THSD7A: variants seen among roughly 807,000 people sequenced by gnomAD.
THSD7A encodes the protein thrombospondin type-1 domain-containing protein 7A.
In THSD7A, 96 loss-of-function variants were observed where a neutral mutation model predicts 231.3. That is an observed-to-expected ratio of 0.41 (90% CI 0.35 to 0.49). The LOEUF (loss-of-function observed/expected upper bound fraction) is 0.49. Ranked by LOEUF, THSD7A falls within the 20% of genes least tolerant of loss-of-function variation. The pLI is 0.05. For synonymous variants in THSD7A, 940 were observed against 743.3 expected, an observed-to-expected ratio of 1.26 and a Z score of -4.30; for missense variants, 2,290 against 2,070.2, an observed-to-expected ratio of 1.11 and a Z score of -2.06.
chr7:11,458,808 G>A lies in THSD7A; in HGVS notation c.2605+1854C>T, dbSNP rs1203696120. On this transcript the variant is annotated intron_variant, in intron 11 of 27. Transcript: ENST00000423059. ...CAAAGGTTGCTGGTAATCACAGACA[G>A]AATAGTTTTTGTACAGATTGTGTGT... 2.0e-5 allele frequency among the ~76,000 whole-genome samples: 3 copies of A among 152,148 alleles called. No individual in the cohort carries two copies. The East Asian group carries it at 5.8e-4, about 29-fold the overall frequency.
chr7:11,769,151 A>ATTTTTTTTTTTTTTTTTTTT (rs1422492872), intron 1 of THSD7A, among the ~76,000 whole-genome samples: 12 of 35,458 alleles, frequency 3.4e-4, no homozygotes, highest in Non-Finnish European at 4.8e-4. Context: ...ATATATATAT[A>ATTTTTTTTTTTTTTTTTTTT]TATTTTTTTT....
chr7:11,794,247 C>A (rs772550008), intron 1 of THSD7A, among the ~76,000 whole-genome samples: 1 of 151,924 alleles, frequency 6.6e-6, no homozygotes, highest in African/African-American at 2.4e-5. Flanking sequence ...GGATATACTA[C>A]AAAGTTGCAT....
intron 1 of THSD7A, among the ~76,000 whole-genome samples, chr7:11,828,761 T>C (rs1229520929): frequency 6.6e-6 from 1 of 152,164 alleles, no homozygotes; most frequent in Non-Finnish European, 1.5e-5. Context: ...TTACATATAA[T>C]GTATAAGTAA....
intron 1 of THSD7A, among the ~76,000 whole-genome samples, chr7:11,656,343 G>A (rs75505356): frequency 0.061 from 9,258 of 151,840 alleles, 309 homozygotes; most frequent in East Asian, 0.13. Context: ...ACAGGAATCA[G>A]TTCCAGTGCT....
At chr7:11,576,021 AT>A (rs1790886401) in intron 4 of THSD7A, among the ~76,000 whole-genome samples, 1 of 152,050 alleles carries the variant, frequency 6.6e-6, no homozygotes, top group Non-Finnish European at 1.5e-5. Context: ...GGCACTGCAA[AT>A]TTCACGGTTA....
At chr7:11,565,548 T>G (rs1790273040) in intron 4 of THSD7A, among the ~76,000 whole-genome samples, 1 of 152,100 alleles carries the variant, frequency 6.6e-6, no homozygotes, top group South Asian at 2.1e-4. Context: ...AAGATGATAG[T>G]GGAAGTGAAG....
Position 11,632,994 on chromosome 7 carries a change from C to T in THSD7A, c.1022+3136G>A, listed in dbSNP as rs1330622965. 6.6e-6 allele frequency among the ~76,000 whole-genome samples: 1 copy of T among 152,152 alleles called. No homozygotes were observed. The highest frequency in any genetic ancestry group is 1.5e-5 in the Non-Finnish European group (1 of 68,020). On this transcript the variant is annotated intron_variant, in intron 2 of 27. Coordinates refer to ENST00000423059, the MANE Select transcript of THSD7A (RefSeq NM_015204.3). This position sits in a 1 kb window ranked among gnomAD's most constrained non-coding sequence, Gnocchi z 4.1. ...AATTAGTTTATTTGATGTTCTCAAA[C>T]TGTTCTCTATGTCATTGACTCTTTT...
intron 6 of THSD7A, among the ~76,000 whole-genome samples, chr7:11,529,822 A>G (rs1315240600): frequency 1.3e-5 from 2 of 152,174 alleles, no homozygotes; most frequent in Non-Finnish European, 2.9e-5. Context: ...TCTGTAACCA[A>G]ATTAAAAACA....
rs1480770367 is a variant in THSD7A, at chr7:11,601,828, T to C, written c.1023-8326A>G. Among the ~76,000 whole-genome samples the C allele has an allele frequency of 3.3e-5, 5 of 152,196 alleles. No individual in the cohort carries two copies. The East Asian group carries it at 7.7e-4, about 23-fold the overall frequency. On this transcript the variant is annotated intron_variant, in intron 2 of 27. Transcript: ENST00000423059. ...TTTAATACTCTCAATAATCTTCTTATCTGGAGATCACTATTAGTCCCATTC... is the reference window on the plus strand; with the variant it reads ...TTTAATACTCTCAATAATCTTCTTACCTGGAGATCACTATTAGTCCCATTC...
At chr7:11,561,174 A>G (rs1461362744) in intron 4 of THSD7A, among the ~76,000 whole-genome samples, 2 of 152,182 alleles carry the variant, frequency 1.3e-5, no homozygotes, top group Admixed American at 1.3e-4. Context: ...GGAAGGGTAC[A>G]TGACAGGGTT....
At chr7:11,429,873 A>G (rs531035542) in intron 13 of THSD7A, among the ~76,000 whole-genome samples, 48 of 152,322 alleles carry the variant, frequency 3.2e-4, no homozygotes, top group African/African-American at 9.9e-4. Flanking sequence ...CATTCCATCA[A>G]ATCATCCAAC....
chr7:11,716,422 G>A (rs1440720792), intron 1 of THSD7A, among the ~76,000 whole-genome samples: 3 of 151,620 alleles, frequency 2.0e-5, no homozygotes, highest in Admixed American at 2.0e-4. Context: ...AGAATGTCAT[G>A]GGCATCCTGC....
chr7:11,769,574 C>T (rs1783159586), intron 1 of THSD7A, among the ~76,000 whole-genome samples: 1 of 151,986 alleles, frequency 6.6e-6, no homozygotes, highest in East Asian at 1.9e-4. Flanking sequence ...AAGCAAAATT[C>T]TGATTATGTT....
At chr7:11,605,437 A>G (rs1584068566) in intron 2 of THSD7A, among the ~76,000 whole-genome samples, 1 of 152,088 alleles carries the variant, frequency 6.6e-6, no homozygotes, top group African/African-American at 2.4e-5. Context: ...AGTCTAATCT[A>G]AAGTTTTGCT....
chr7:11,567,371 G>GA (rs894200889), intron 4 of THSD7A, among the ~76,000 whole-genome samples: 8 of 152,030 alleles, frequency 5.3e-5, no homozygotes, highest in African/African-American at 1.7e-4. Context: ...GAACAGCACA[G>GA]AAAAAAACCG....
intron 1 of THSD7A, among the ~76,000 whole-genome samples, chr7:11,671,829 T>G (rs1457132962): frequency 2.0e-5 from 3 of 152,132 alleles, no homozygotes; most frequent in Non-Finnish European, 4.4e-5. Flanking sequence ...GCAATTCACA[T>G]TTTTTCATTC....
rs192877703 is a variant in THSD7A, at chr7:11,811,280, C to A, written c.190+20477G>T. Among the ~76,000 whole-genome samples, 5 of 152,192 alleles carry A rather than the reference C, an allele frequency of 3.3e-5. No homozygotes were observed. In the East Asian group the frequency reaches 9.6e-4, roughly 29 times the overall value. On this transcript the variant is annotated intron_variant, in intron 1 of 27. Transcript: ENST00000423059. ...GCACTGTACACAAGTTATGTAAAGA[C>A]CTTCAACAAAGAAAGAATATTTCAA... is the stretch of plus-strand genomic sequence containing the variant.
intron 1 of THSD7A, among the ~76,000 whole-genome samples, chr7:11,826,758 G>C (rs938870347): frequency 2.0e-5 from 3 of 148,720 alleles, no homozygotes; most frequent in Non-Finnish European, 4.4e-5. Flanking sequence ...ATTGCAGTGA[G>C]CCAAGATCAT....
intron 1 of THSD7A, among the ~76,000 whole-genome samples, chr7:11,816,476 G>C (rs1784708429): frequency 6.6e-6 from 1 of 152,192 alleles, no homozygotes; most frequent in Admixed American, 6.5e-5. Flanking sequence ...TATGCTGGCA[G>C]GTAGATGCTA....
Sources: allele counts gnomAD v4.1 joint callset (sites outside exome capture counted in the v4.1 genomes callset), GRCh38; gene constraint gnomAD v4.1.1; non-coding constraint Gnocchi (gnomAD v3.1); transcripts MANE v1.5; gene names NCBI Gene and HGNC (gene_info 2026-07-23, HGNC 2026-07-21).